Variants in STK39 observed in about 807,000 individuals in gnomAD.
STK39 encodes STE20/SPS1-related proline-alanine-rich protein kinase.
STK39 carries 20 observed loss-of-function variants against 77.8 expected under a neutral mutation model. The observed-to-expected ratio is 0.26, with a 90% CI of 0.18 to 0.37. STK39 has a LOEUF of 0.37. Ranked by LOEUF, STK39 falls within the 10% of genes least tolerant of loss-of-function variation. STK39 has a pLI of 1.00. For synonymous variants in STK39, 246 were observed against 234.1 expected (o/e 1.05, Z -0.47); for missense variants, 479 against 656.5 (o/e 0.73, Z 2.95).
At chr2:168,145,785 C>T (rs1488044298) in intron 5 of STK39, among the ~76,000 whole-genome samples, 1 of 152,064 alleles carries the variant, frequency 6.6e-6, no homozygotes, top group Non-Finnish European at 1.5e-5. Context: ...TCTGATAGCA[C>T]TCGACTCAGG....
At chr2:168,173,918 AG>A (rs1688891114) in intron 2 of STK39, among the ~76,000 whole-genome samples, 1 of 152,226 alleles carries the variant, frequency 6.6e-6, no homozygotes, top group African/African-American at 2.4e-5. Context: ...TTATAAGAAA[AG>A]TACCAGCAGA....
At chr2:168,006,351 T>C (rs145064342) in intron 16 of STK39, among the ~76,000 whole-genome samples, 3 of 152,344 alleles carry the variant, frequency 2.0e-5, no homozygotes, top group East Asian at 1.9e-4. Flanking sequence ...CTTACTAAAC[T>C]AATTCCTCAA....
intron 1 of STK39, among the ~76,000 whole-genome samples, chr2:168,227,017 A>G (rs2105252719): frequency 6.6e-6 from 1 of 152,362 alleles, no homozygotes; most frequent in East Asian, 1.9e-4. Context: ...GACAGCTGTG[A>G]ATATTTATAA....
chr2:168,012,532 A>G lies in STK39; in HGVS notation c.1498+102T>C, dbSNP rs796854084. 10 of 881,126 alleles carry G rather than the reference A, an allele frequency of 1.1e-5. No individual in the cohort carries two copies. In the African/African-American group the frequency reaches 1.7e-4, roughly 15 times the overall value. The allele number at this position is 881,126 out of a possible 1,614,324, so 54.6% of individuals were successfully genotyped here. On this transcript the variant is annotated intron_variant, in intron 16 of 17. Coordinates refer to ENST00000355999, the MANE Select transcript of STK39 (RefSeq NM_013233.3). ...ATAAGAATTCAAGAAGAATTCTTCA[A>G]ATATTCAGAGTGAATTATTCCTTAA...
At chr2:168,236,852 C>A (rs1690625152) in intron 1 of STK39, among the ~76,000 whole-genome samples, 3 of 152,072 alleles carry the variant, frequency 2.0e-5, no homozygotes, top group South Asian at 4.2e-4. Context: ...GTTACTGTAG[C>A]CTTGTAGGAT....
intron 5 of STK39, 140 bp from the exon 6 acceptor site, chr2:168,140,898 G>T: frequency 1.6e-6 from 1 of 623,998 alleles, no homozygotes. Context: ...GCTCTCTCAG[G>T]AAAAAAAAGG....
intron 10 of STK39, among the ~76,000 whole-genome samples, chr2:168,100,871 G>A (rs1033864904): frequency 1.3e-5 from 2 of 152,094 alleles, no homozygotes; most frequent in African/African-American, 2.4e-5. Context: ...ATACCCAAAG[G>A]ATTATAAATC....
intron 1 of STK39, among the ~76,000 whole-genome samples, chr2:168,218,187 AC>A (rs761933617): frequency 3.9e-5 from 6 of 152,228 alleles, no homozygotes; most frequent in Middle Eastern, 6.8e-3. Flanking sequence ...TTCCCAGATA[AC>A]CCCACACTCT....
At chr2:168,206,952 T>C (rs910581092) in intron 1 of STK39, among the ~76,000 whole-genome samples, 4 of 152,196 alleles carry the variant, frequency 2.6e-5, no homozygotes, top group Non-Finnish European at 5.9e-5. Flanking sequence ...GGGTTCACAA[T>C]ATGAACACAA....
intron 14 of STK39, among the ~76,000 whole-genome samples, chr2:168,038,943 G>A (rs538822622): frequency 6.6e-6 from 1 of 152,162 alleles, no homozygotes; most frequent in African/African-American, 2.4e-5. Flanking sequence ...ATACACTGCT[G>A]GTGGGACTGT....
chr2:168,196,330 A>G (rs1250069202), intron 1 of STK39, among the ~76,000 whole-genome samples: 1 of 152,190 alleles, frequency 6.6e-6, no homozygotes, highest in Non-Finnish European at 1.5e-5. Flanking sequence ...CTGCCTTCCT[A>G]GAGTTTACAT....
At chr2:167,967,320 G>A (rs1233277332) in intron 16 of STK39, among the ~76,000 whole-genome samples, 1 of 152,110 alleles carries the variant, frequency 6.6e-6, no homozygotes, top group African/African-American at 2.4e-5. Flanking sequence ...GGGCAAACAG[G>A]GACACCAATA....
chr2:167,970,616 T>G (rs1237494088), intron 16 of STK39, among the ~76,000 whole-genome samples: 2 of 152,220 alleles, frequency 1.3e-5, no homozygotes, highest in Non-Finnish European at 2.9e-5. Flanking sequence ...TTTGCCCTGT[T>G]AAAGCAAAGT....
At chr2:168,152,643 T>C (rs1316611520) in intron 5 of STK39, among the ~76,000 whole-genome samples, 1 of 152,308 alleles carries the variant, frequency 6.6e-6, no homozygotes, top group Admixed American at 6.5e-5. Flanking sequence ...AGTCCACAAT[T>C]GCTCAGCAGT....
At chr2:168,118,009 ATT>A (rs1301939209) in intron 10 of STK39, among the ~76,000 whole-genome samples, 1 of 152,074 alleles carries the variant, frequency 6.6e-6, no homozygotes, top group African/African-American at 2.4e-5. Context: ...TAGCCAAATT[ATT>A]TTCCTTTCGG....
intron 1 of STK39, among the ~76,000 whole-genome samples, chr2:168,229,538 T>C (rs541033992): frequency 2.9e-4 from 44 of 152,212 alleles, no homozygotes; most frequent in Non-Finnish European, 5.4e-4. Context: ...TTCTAATATT[T>C]CTATCCTAAT....
chr2:168,246,646 C>T (rs1041830032), intron 1 of STK39, among the ~76,000 whole-genome samples: 1 of 152,196 alleles, frequency 6.6e-6, no homozygotes, highest in Non-Finnish European at 1.5e-5. Context: ...GGAGTGGCGG[C>T]TGTCAGGAAG....
intron 16 of STK39, among the ~76,000 whole-genome samples, chr2:167,967,883 G>A (rs935383): frequency 0.39 from 59,288 of 151,804 alleles, 12,627 homozygotes; most frequent in African/African-American, 0.56. Context: ...TTTGGGGTAT[G>A]ACTGATCCTG....
chr2:168,164,525 G>C (rs2105591570), intron 3 of STK39, among the ~76,000 whole-genome samples: 1 of 152,198 alleles, frequency 6.6e-6, no homozygotes, highest in Non-Finnish European at 1.5e-5. Flanking sequence ...TCCCACCTCA[G>C]CCTCCCAAGT....
Sources: allele counts gnomAD v4.1 joint callset (sites outside exome capture counted in the v4.1 genomes callset), GRCh38; gene constraint gnomAD v4.1.1; transcripts MANE v1.5; gene names NCBI Gene and HGNC (gene_info 2026-07-23, HGNC 2026-07-21).